The following C2orf69 variants were observed in gnomAD, a reference collection of about 807,000 sequenced individuals.
C2orf69 encodes the protein mitochondrial protein C2orf69.
In C2orf69, 19 loss-of-function variants were observed where a neutral mutation model predicts 29.5. The observed-to-expected ratio is 0.65, with a 90% CI of 0.45 to 0.95. The LOEUF is 0.95. Among genes scored for constraint, C2orf69 ranks in the 40% least tolerant of loss-of-function variants. The pLI is 0.00. For synonymous variants in C2orf69, 194 were observed against 180.0 expected, an observed-to-expected ratio of 1.08 and a Z score of -0.62; for missense variants, 416 against 482.1, an observed-to-expected ratio of 0.86 and a Z score of 1.28.
rs1343563899 is a variant in C2orf69, at chr2:199,925,979, C to T, written c.*93C>T. The T allele has an allele frequency of 7.2e-6, 6 of 828,588 alleles. No individual in the cohort carries two copies. Among genetic ancestry groups the T allele is most frequent in the Non-Finnish European group, 1.1e-5 (6 of 536,154 alleles). 51.3% of individuals were successfully genotyped at this position (828,588 alleles called of 1,614,324 possible). A position where few individuals can be genotyped will look rare whatever the true frequency, so the allele number is the denominator to read the frequency against. On this transcript the variant is annotated 3_prime_UTR_variant, in exon 2 of 2. Coordinates refer to ENST00000319974, the MANE Select transcript of C2orf69 (RefSeq NM_153689.6). This position sits in a 1 kb window ranked among gnomAD's most constrained non-coding sequence, Gnocchi z 4.9. The stretch of plus-strand genomic sequence containing the variant: ...GATAATGGGATGTAATTCATAGCTG[C>T]ATTGTCAGTTTTGGGGTATGGGGGG...
intron 1 of C2orf69, among the ~76,000 whole-genome samples, chr2:199,920,405 G>A (rs2077311069): frequency 6.6e-6 from 1 of 152,040 alleles, no homozygotes; most frequent in Non-Finnish European, 1.5e-5. Flanking sequence ...GGCTAATCAA[G>A]GAAAATATCA....
At chr2:199,912,063 A>C (rs939241110) in intron 1 of C2orf69, among the ~76,000 whole-genome samples, 1 of 152,210 alleles carries the variant, frequency 6.6e-6, no homozygotes, top group Non-Finnish European at 1.5e-5. Context: ...ACAGGGAGTG[A>C]CACGCATCTT....
intron 1 of C2orf69, among the ~76,000 whole-genome samples, chr2:199,923,327 C>T (rs1449701726): frequency 6.6e-6 from 1 of 152,242 alleles, no homozygotes; most frequent in East Asian, 1.9e-4. Context: ...GTATCGTAGC[C>T]ACTAATCACT....
intron 1 of C2orf69, among the ~76,000 whole-genome samples, chr2:199,923,107 C>T (rs955972137): frequency 2.0e-5 from 3 of 152,210 alleles, no homozygotes; most frequent in Non-Finnish European, 4.4e-5. Context: ...GAAATACCCA[C>T]GTGGTTCACT....
intron 1 of C2orf69, among the ~76,000 whole-genome samples, chr2:199,914,192 T>C (rs1173580163): frequency 6.6e-6 from 1 of 152,188 alleles, no homozygotes; most frequent in Non-Finnish European, 1.5e-5. Context: ...TTCAGTCTCA[T>C]GGCTTTACTC....
chr2:199,912,669 C>T (rs1048718057), intron 1 of C2orf69, among the ~76,000 whole-genome samples: 6 of 152,162 alleles, frequency 3.9e-5, no homozygotes, highest in African/African-American at 1.4e-4. Context: ...GAGACGGAGT[C>T]TTGCTTAGTT....
At chr2:199,914,923 C>G (rs2077287576) in intron 1 of C2orf69, among the ~76,000 whole-genome samples, 1 of 152,134 alleles carries the variant, frequency 6.6e-6, no homozygotes, top group Admixed American at 6.5e-5. Flanking sequence ...TATTATTACC[C>G]ATTGCATTTA....
intron 1 of C2orf69, among the ~76,000 whole-genome samples, chr2:199,913,377 A>T (rs1377868816): frequency 1.0e-4 from 7 of 69,522 alleles, no homozygotes; most frequent in Admixed American, 5.9e-4. Flanking sequence ...ATTATGATAT[A>T]TATTATATAT....
chr2:199,923,002 C>T (rs2077323000), intron 1 of C2orf69, among the ~76,000 whole-genome samples: 1 of 152,188 alleles, frequency 6.6e-6, no homozygotes, highest in Admixed American at 6.5e-5. Context: ...CTACTGTTGA[C>T]TCCTCTGGAG....
intron 1 of C2orf69, among the ~76,000 whole-genome samples, chr2:199,919,591 G>C (rs1037325054): frequency 4.6e-5 from 7 of 152,180 alleles, no homozygotes; most frequent in Non-Finnish European, 1.0e-4. Flanking sequence ...CCTACATCTG[G>C]TGAGGGCCTT....
At chr2:199,915,755 GATCCTCCCACCTC>G (rs2077290549) in intron 1 of C2orf69, among the ~76,000 whole-genome samples, 1 of 152,024 alleles carries the variant, frequency 6.6e-6, no homozygotes, top group African/African-American at 2.4e-5. Context: ...GACCTCAGGT[GATCCTCCCACCTC>G]AGCCTCCCAA....
chr2:199,921,396 A>G (rs1217389569), intron 1 of C2orf69, among the ~76,000 whole-genome samples: 1 of 152,194 alleles, frequency 6.6e-6, no homozygotes, highest in Non-Finnish European at 1.5e-5. Flanking sequence ...TGGGAAAATT[A>G]TCACAGGACA....
Position 199,911,595 on chromosome 2 carries a change from C to T in C2orf69, c.157C>T (p.Gln53Ter). The change falls in exon 1 of 2, where the codon CAG (glutamine) becomes TAG (stop). Residue 53 changes from glutamine (Q) to a stop codon, truncating the protein, a stop_gained. Coordinates refer to ENST00000319974, the MANE Select transcript of C2orf69 (RefSeq NM_153689.6). LOFTEE classifies it high-confidence loss of function. ...CSLSAEVRRR[Q>*]CLQLSTVPGA... is the part of the protein sequence containing the mutation. ...CCTCTCGGCCGAGGTGCGCCGCCGT[C>T]AGTGCCTGCAGCTTTCCACCGTGCC... 6 of 1,549,612 alleles carry T rather than the reference C, an allele frequency of 3.9e-6. No homozygotes were observed. The highest frequency in any genetic ancestry group is 5.2e-6 in the Non-Finnish European group (6 of 1,146,608).
At chr2:199,911,798 G>C (rs1283843190) in intron 1 of C2orf69, 27 bp downstream of exon 1, 4 of 1,536,810 alleles carry the variant, frequency 2.6e-6, no homozygotes, top group South Asian at 2.4e-5. Flanking sequence ...CTGGGTATCT[G>C]TTCCTTCCTC....
At chr2:199,914,926 T>C (rs2077287605) in intron 1 of C2orf69, among the ~76,000 whole-genome samples, 1 of 152,240 alleles carries the variant, frequency 6.6e-6, no homozygotes. Flanking sequence ...TATTACCCAT[T>C]GCATTTACTA....
At position 199,915,589 on chromosome 2, in the gene C2orf69, C is replaced by T. The variant is rs2077289855; in HGVS notation, c.333+3818C>T. Among the ~76,000 whole-genome samples, 2 of 151,020 alleles carry T rather than the reference C, an allele frequency of 1.3e-5. 1 individual carries two copies. The highest frequency in any genetic ancestry group is 4.2e-4 in the South Asian group (2 of 4,756). The stretch of plus-strand genomic sequence containing the variant: ...TGGCGTGATCTTGGCTTACTGCAAC[C>T]TCCACCTCCCAGGCTCAAGCGATTC... On this transcript the variant is annotated intron_variant, in intron 1 of 1. Transcript: ENST00000319974.
intron 1 of C2orf69, among the ~76,000 whole-genome samples, chr2:199,915,984 C>A (rs1380765340): frequency 6.6e-6 from 1 of 152,126 alleles, no homozygotes; most frequent in Non-Finnish European, 1.5e-5. Flanking sequence ...TTTCCTTTAT[C>A]ATTTGAATTA....
chr2:199,911,762 G>A lies in C2orf69; in HGVS notation c.324G>A (p.Gly108=). ...PPQHHVLYFP[G]DVQNYHEIMT... is the part of the protein sequence containing the mutation. ...AGCATCACGTCCTCTATTTCCCTGGGGATGTGCAGGTAACTCGGGGCCTGC... is the reference window on the plus strand; with the variant it reads ...AGCATCACGTCCTCTATTTCCCTGGAGATGTGCAGGTAACTCGGGGCCTGC... Residue 108 remains glycine (G), a synonymous_variant, in exon 1 of 2, where the codon GGG becomes GGA. Coordinates refer to ENST00000319974, the MANE Select transcript of C2orf69 (RefSeq NM_153689.6). The A allele has an allele frequency of 6.5e-6, 10 of 1,538,956 alleles. No homozygotes were observed. The highest frequency in any genetic ancestry group is 7.8e-6 in the Non-Finnish European group (9 of 1,146,910).
At chr2:199,919,952 G>T (rs536354838) in intron 1 of C2orf69, among the ~76,000 whole-genome samples, 1 of 152,314 alleles carries the variant, frequency 6.6e-6, no homozygotes, top group East Asian at 1.9e-4. Flanking sequence ...ATAGCAGTTT[G>T]GAGTGGGTCT....
Sources: gnomAD v4.1 joint callset for allele counts (sites outside exome capture counted in the v4.1 genomes callset) on GRCh38, gnomAD v4.1.1 for gene constraint, Gnocchi (gnomAD v3.1) non-coding constraint, MANE v1.5 for transcripts, NCBI Gene and HGNC (gene_info 2026-07-23, HGNC 2026-07-21) for gene names.